The following HSPG2 variants were observed in gnomAD, a reference collection of about 807,000 sequenced individuals.
HSPG2 encodes heparan sulfate proteoglycan 2.
HSPG2 carries 278 observed loss-of-function variants against 526.6 expected under a neutral mutation model. That is an observed-to-expected ratio of 0.53 (90% confidence interval 0.48 to 0.58). HSPG2 has a LOEUF of 0.58. Among genes scored for constraint, HSPG2 ranks in the 20% least tolerant of loss-of-function variants. HSPG2 has a pLI of 0.00. For missense variants in HSPG2, 5,354 were observed against 6,099.5 expected (o/e 0.88, Z 4.07); for synonymous variants, 2,465 against 2,555.4 (o/e 0.96, Z 1.07).
In HSPG2 at chr1:21,842,266, C is replaced by T. The variant is rs545515995; in HGVS notation, c.9025G>A (p.Val3009Ile). Residue 3009 changes from valine to isoleucine, a missense_variant, in exon 68 of 97, where the codon GTC becomes ATC. Coordinates refer to ENST00000374695, the MANE Select transcript of HSPG2 (RefSeq NM_005529.7). ...TAGGAAGACCCCTCACTGGGCGGGA[C>T]GGTGACTGTGAAGGAGGCTTCTTGC... ...PEQEASFTVT[V>I]PPSEGSSYRL... The T allele has an allele frequency of 1.5e-5, 25 of 1,613,614 alleles. No homozygotes were observed. In the African/African-American group the frequency reaches 1.6e-4, roughly 10 times the overall value.
In HSPG2 at chr1:21,843,381, A is replaced by T. The variant is rs758128725; in HGVS notation, c.8674T>A (p.Ser2892Thr). The change falls in exon 66 of 97, where the codon TCG becomes ACG. Residue 2892 changes from serine (S) to threonine (T), a missense_variant. Transcript: ENST00000374695. Reference sequence around the variant, plus strand: ...CCTGAGCTTCCGGTCACTTGGCACGAGTACTCGCCAGAGTCAGCCGGGGAC... The same window carrying T: ...CCTGAGCTTCCGGTCACTTGGCACGTGTACTCGCCAGAGTCAGCCGGGGAC... ...QVSPADSGEY[S>T]CQVTGSSGTL... The T allele has an allele frequency of 6.2e-7, 1 of 1,614,038 alleles. No individual in the cohort carries two copies. Among genetic ancestry groups the T allele is most frequent in the Non-Finnish European group, 8.5e-7 (1 of 1,179,980 alleles).
intron 48 of HSPG2, 37 bp from the exon 49 acceptor site, chr1:21,854,802 G>C: frequency 6.2e-7 from 1 of 1,612,712 alleles, no homozygotes; most frequent in Non-Finnish European, 8.5e-7. Context: ...CCCCAGGGGA[G>C]CCCTGGCTTG....
At chr1:21,843,153 A>T in intron 66 of HSPG2, 144 bp downstream of exon 66, 1 of 1,259,030 alleles carries the variant, frequency 7.9e-7, no homozygotes, top group Non-Finnish European at 1.1e-6. Context: ...ACTTGGGAAC[A>T]CCTGGGTTGG....
intron 44 of HSPG2, among the ~76,000 whole-genome samples, chr1:21,856,457 A>G (rs113029877): frequency 0.036 from 5,492 of 151,820 alleles, 142 homozygotes; most frequent in Non-Finnish European, 0.05. Flanking sequence ...TTGCTCTGTC[A>G]CCCAGGCTGG....
Position 21,857,961 on chromosome 1 carries a change from G to C in HSPG2, c.5294-576C>G, listed in dbSNP as rs183254520. 5.1e-4 allele frequency among the ~76,000 whole-genome samples: 77 copies of C among 152,252 alleles called. No individual in the cohort carries two copies. The East Asian group carries it at 0.014, about 27-fold the overall frequency. On this transcript the variant is annotated intron_variant, in intron 42 of 96. Coordinates refer to ENST00000374695, the MANE Select transcript of HSPG2 (RefSeq NM_005529.7). ...GCCACCCCTCCCCGGGGCTTCTTCT[G>C]CTCTCGCAACATCAGCGTCTCCTCC...
At position 21,904,379 on chromosome 1, in the gene HSPG2, G is replaced by C. The variant is rs1481277678; in HGVS notation, c.64-8069C>G. 6.6e-6 allele frequency among the ~76,000 whole-genome samples: 1 copy of C among 152,224 alleles called. No individual in the cohort carries two copies. Among genetic ancestry groups the C allele is most frequent in the African/African-American group, 2.4e-5 (1 of 41,450 alleles). ...TGGAGAGGGCACGGCACGTTCGCGG[G>C]GTGGGAGGAAGCCTGGTGCAGCGGG... is the stretch of plus-strand genomic sequence containing the variant. On this transcript the variant is annotated intron_variant, in intron 1 of 96. Transcript: ENST00000374695. This position sits in a 1 kb window ranked among gnomAD's most constrained non-coding sequence, Gnocchi z 4.4.
intron 1 of HSPG2, among the ~76,000 whole-genome samples, chr1:21,907,945 C>T (rs1013017745): frequency 6.6e-6 from 1 of 152,164 alleles, no homozygotes; most frequent in Non-Finnish European, 1.5e-5. Flanking sequence ...AAAATGGGCA[C>T]GATCATTCAT....
rs1248952432 is a variant in HSPG2, at chr1:21,861,823, C to A, written c.4889G>T (p.Ser1630Ile). ...GCAGCGGTACCCGCCGGCTCCCAGG[C>A]TCTCACAGGTGCGGGAAAACCTGGG... is the stretch of plus-strand genomic sequence containing the variant. ...PENMFSRTCESLGAGGYRCTA... is the reference protein window; with the variant it reads ...PENMFSRTCEILGAGGYRCTA... Residue 1630 changes from serine (S) to isoleucine (I), a missense_variant, in exon 39 of 97, where the codon AGC becomes ATC. By Grantham distance (142) the Ser-to-Ile change is moderately radical. Transcript: ENST00000374695. The A allele has an allele frequency of 8.1e-6, 13 of 1,613,650 alleles. No homozygotes were observed. The highest frequency in any genetic ancestry group is 1.1e-5 in the Non-Finnish European group (13 of 1,180,038).
chr1:21,922,690 G>C (rs1363983519), intron 1 of HSPG2, among the ~76,000 whole-genome samples: 2 of 152,166 alleles, frequency 1.3e-5, no homozygotes, highest in African/African-American at 2.4e-5. Flanking sequence ...GGAGCCTCTT[G>C]GAGGAAGGTG....
chr1:21,859,423 C>T lies in HSPG2; in HGVS notation c.5293+143G>A, dbSNP rs920930723. On this transcript the variant is annotated intron_variant, in intron 42 of 96. Coordinates refer to ENST00000374695, the MANE Select transcript of HSPG2 (RefSeq NM_005529.7). This position sits in a 1 kb window ranked among gnomAD's most constrained non-coding sequence, Gnocchi z 5.3. ...CTAAAATGAGTCTTGAATCTGCCAC[C>T]TCTCCTCATCTCCATGGCTGCTGAC... is the stretch of plus-strand genomic sequence containing the variant. The T allele has an allele frequency of 1.4e-6, 1 of 699,876 alleles. No individual in the cohort carries two copies. Among genetic ancestry groups the T allele is most frequent in the East Asian group, 2.7e-5 (1 of 36,626 alleles). 43.4% of individuals were successfully genotyped at this position (699,876 alleles called of 1,614,324 possible).
intron 57 of HSPG2, among the ~76,000 whole-genome samples, chr1:21,849,684 G>A (rs1347294754): frequency 1.3e-5 from 2 of 151,926 alleles, no homozygotes; most frequent in Non-Finnish European, 2.9e-5. Context: ...CAAAGCCTGT[G>A]GTTTTTTTTT....
In HSPG2 at chr1:21,846,613, G is replaced by C. The variant is rs1638458311; in HGVS notation, c.8165-14C>G. On this transcript the variant is annotated splice_polypyrimidine_tract_variant and intron_variant, in intron 62 of 96. Transcript: ENST00000374695. ...AGCTGCCAGGGGCTGGGGGAACAGAGATCAGTGAGTCGGCACAGCCGTTGT... is the reference window on the plus strand; with the variant it reads ...AGCTGCCAGGGGCTGGGGGAACAGACATCAGTGAGTCGGCACAGCCGTTGT... 1 of 1,613,316 alleles carries C rather than the reference G, an allele frequency of 6.2e-7. No individual in the cohort carries two copies. Among genetic ancestry groups the C allele is most frequent in the Non-Finnish European group, 8.5e-7 (1 of 1,180,024 alleles).
At chr1:21,911,347 G>A (rs1373292143) in intron 1 of HSPG2, among the ~76,000 whole-genome samples, 1 of 152,182 alleles carries the variant, frequency 6.6e-6, no homozygotes, top group Non-Finnish European at 1.5e-5. Context: ...TCTGGGCCTG[G>A]CCCAAGCAGG....
rs190319767 is a variant in HSPG2, at chr1:21,831,571, G to T, written c.11353-9C>A. ...AGGCCCTGGAACTTGCCCTGGGGAG[G>T]TGGGGAAGTCAGGAATGGCAACAGA... is the stretch of plus-strand genomic sequence containing the variant. On this transcript the variant is annotated splice_polypyrimidine_tract_variant and intron_variant, in intron 82 of 96. Transcript: ENST00000374695. The T allele has an allele frequency of 3.1e-6, 5 of 1,613,976 alleles. No homozygotes were observed. The highest frequency in any genetic ancestry group is 3.3e-5 in the Admixed American group (2 of 59,996).
At chr1:21,874,578 C>A in intron 27 of HSPG2, 38 bp downstream of exon 27, 2 of 1,613,842 alleles carry the variant, frequency 1.2e-6, no homozygotes, top group Non-Finnish European at 1.7e-6. Context: ...CCAGAGGCCA[C>A]AGATTGCTGG....
chr1:21,859,369 C>T lies in HSPG2; in HGVS notation c.5293+197G>A, dbSNP rs115902391. On this transcript the variant is annotated intron_variant, in intron 42 of 96. Transcript: ENST00000374695. The surrounding 1 kb of genome is among the most constrained non-coding windows in gnomAD (Gnocchi z 5.3). ...GCCCACCCTTTTCTTTTGCCCTCAC[C>T]GACCAGTCAAGTCCTGCTGATCCTA... 9.2e-3 allele frequency among the ~76,000 whole-genome samples: 1,403 copies of T among 152,198 alleles called. 14 individuals are homozygous for T. The highest frequency in any genetic ancestry group is 0.015 in the Non-Finnish European group (995 of 67,990).
rs377573338 is a variant in HSPG2, at chr1:21,828,006, T to A, written c.12532+24A>T. On this transcript the variant is annotated intron_variant, in intron 90 of 96. Coordinates refer to ENST00000374695, the MANE Select transcript of HSPG2 (RefSeq NM_005529.7). The surrounding 1 kb of genome is among the most constrained non-coding windows in gnomAD (Gnocchi z 6.0). ...CCGGGGCCCCAAGACAGAGATGAAGTGGAGAGAAGCCAGGCCTGGGTACCT... is the reference window on the plus strand; with the variant it reads ...CCGGGGCCCCAAGACAGAGATGAAGAGGAGAGAAGCCAGGCCTGGGTACCT... The A allele has an allele frequency of 6.4e-5, 103 of 1,612,988 alleles. No homozygotes were observed. The highest frequency in any genetic ancestry group is 8.3e-5 in the Admixed American group (5 of 59,914).
At chr1:21,907,344 A>C (rs957344510) in intron 1 of HSPG2, among the ~76,000 whole-genome samples, 14 of 152,108 alleles carry the variant, frequency 9.2e-5, no homozygotes, top group Non-Finnish European at 1.6e-4. Context: ...AGGGCTCCCA[A>C]CCAGCTCTGC....
intron 1 of HSPG2, among the ~76,000 whole-genome samples, chr1:21,922,625 G>T (rs1293760842): frequency 3.9e-5 from 6 of 152,176 alleles, no homozygotes; most frequent in Non-Finnish European, 8.8e-5. Flanking sequence ...GGTCTTCTGG[G>T]AGATGAGGTG....
Sources: allele counts gnomAD v4.1 joint callset (sites outside exome capture counted in the v4.1 genomes callset), GRCh38; gene constraint gnomAD v4.1.1; non-coding constraint Gnocchi (gnomAD v3.1); transcripts MANE v1.5; gene names NCBI Gene and HGNC (gene_info 2026-07-23, HGNC 2026-07-21).